The following IQSEC1 variants were observed in gnomAD, a reference collection of about 807,000 sequenced individuals.
The protein encoded by IQSEC1 is IQ motif and SEC7 domain-containing protein 1.
IQSEC1 carries 31 observed loss-of-function variants against 91.0 expected under a neutral mutation model. That is an observed-to-expected ratio of 0.34 (90% CI 0.26 to 0.46). IQSEC1 has a LOEUF of 0.46. IQSEC1 is among the 20% of genes least tolerant of loss of function. IQSEC1 has a pLI of 1.00. For synonymous variants in IQSEC1, 699 were observed against 662.6 expected (o/e 1.05, Z -0.84); for missense variants, 1,388 against 1,575.6 (o/e 0.88, Z 2.02).
intron 1 of IQSEC1, among the ~76,000 whole-genome samples, chr3:13,213,451 T>C (rs1052987634): frequency 6.6e-6 from 1 of 152,206 alleles, no homozygotes; most frequent in African/African-American, 2.4e-5. Context: ...TCGGGAGTTG[T>C]GGGATCCCCT....
At chr3:13,067,802 G>A (rs1271215791) in intron 1 of IQSEC1, among the ~76,000 whole-genome samples, 1 of 152,272 alleles carries the variant, frequency 6.6e-6, no homozygotes, top group Admixed American at 6.5e-5. Flanking sequence ...CCCTGCCAGA[G>A]TTGTGGGATT....
rs1316941323 is a variant in IQSEC1, at chr3:13,014,376, T to C, written c.23+58616A>G. The stretch of plus-strand genomic sequence containing the variant: ...ATATGGAAACCCAGGCCCAGAGATG[T>C]TGGGACATCTGTCCCATGTCACATG... On this transcript the variant is annotated intron_variant, in intron 1 of 13. Coordinates refer to ENST00000613206, the MANE Select transcript of IQSEC1 (RefSeq NM_001134382.3). Among the ~76,000 whole-genome samples the C allele has an allele frequency of 3.3e-5, 5 of 152,184 alleles. No homozygotes were observed. In the South Asian group the frequency reaches 8.3e-4, roughly 25 times the overall value.
rs1425512339 is a variant in IQSEC1 at position 12,913,553 on chromosome 3, C to T, written c.2191G>A (p.Val731Met). The change falls in exon 9 of 14, where the codon GTG (valine) becomes ATG (methionine). Residue 731 changes from valine (V) to methionine (M), a missense_variant and splice_region_variant. Physicochemically the swap from Val to Met is conservative, Grantham distance 21. Coordinates refer to ENST00000613206, the MANE Select transcript of IQSEC1 (RefSeq NM_001134382.3). The stretch of plus-strand genomic sequence containing the variant: ...AACCGACGGTGGGGCAGAGAGAGCA[C>T]CTGTGTGGGAAGAGGCTGTCCTGCC... ...IGSLHPGLGC[V>M]LSLPHRRLVC... The T allele has an allele frequency of 3.7e-6, 6 of 1,602,254 alleles. No individual in the cohort carries two copies. Among genetic ancestry groups the T allele is most frequent in the Non-Finnish European group, 5.1e-6 (6 of 1,172,482 alleles).
chr3:13,037,985 A>G (rs1315930507), intron 1 of IQSEC1, among the ~76,000 whole-genome samples: 2 of 151,994 alleles, frequency 1.3e-5, no homozygotes, highest in Admixed American at 1.3e-4. Flanking sequence ...TACAATGGTT[A>G]AGATGGTGGA....
At chr3:13,157,490 C>G (rs549550608) in intron 2 of IQSEC1, among the ~76,000 whole-genome samples, 7 of 152,122 alleles carry the variant, frequency 4.6e-5, no homozygotes, top group African/African-American at 1.4e-4. Context: ...AATTCATAGG[C>G]CACACAGCAG....
chr3:13,212,489 G>C (rs112080159), intron 1 of IQSEC1, among the ~76,000 whole-genome samples: 9,339 of 152,212 alleles, frequency 0.061, 431 homozygotes, highest in Non-Finnish European at 0.093. Flanking sequence ...AAACATTTAA[G>C]GATGAATTCT....
chr3:13,161,449 G>A (rs1707175316), intron 2 of IQSEC1, among the ~76,000 whole-genome samples: 1 of 152,200 alleles, frequency 6.6e-6, no homozygotes, highest in Admixed American at 6.5e-5. Context: ...TGGAAGCCCA[G>A]ATCTGGTGAC....
At chr3:13,204,910 C>T (rs1407667650) in intron 1 of IQSEC1, among the ~76,000 whole-genome samples, 1 of 151,638 alleles carries the variant, frequency 6.6e-6, no homozygotes. Flanking sequence ...AAGCGATTCT[C>T]CTGCCTCAGC....
chr3:12,917,785 C>T (rs1696245553), intron 6 of IQSEC1, among the ~76,000 whole-genome samples: 1 of 152,214 alleles, frequency 6.6e-6, no homozygotes, highest in Admixed American at 6.5e-5. Flanking sequence ...GATCATATTA[C>T]TTTCTGGCTT....
chr3:13,017,899 A>G (rs1296036058), intron 1 of IQSEC1, among the ~76,000 whole-genome samples: 2 of 152,112 alleles, frequency 1.3e-5, no homozygotes, highest in Admixed American at 1.3e-4. Context: ...GCCCATCCCA[A>G]ACTCAGCTCT....
At position 13,270,335 on chromosome 3, in the gene IQSEC1, C is replaced by T. The variant is rs61385053; in HGVS notation, c.272+12376G>A. On this transcript the variant is annotated intron_variant, in intron 1 of 15. Coordinates refer to the IQSEC1 transcript ENST00000648114. The stretch of plus-strand genomic sequence containing the variant: ...TGATGGATTAATTGACTTGCTGATT[C>T]ATTCATTCAATACATATTCATTAAA... 3.7e-3 allele frequency among the ~76,000 whole-genome samples: 562 copies of T among 152,350 alleles called. 13 individuals are homozygous for T. The East Asian group carries it at 0.069, about 19-fold the overall frequency.
chr3:13,238,157 T>C (rs1412336831), intron 1 of IQSEC1, among the ~76,000 whole-genome samples: 1 of 152,170 alleles, frequency 6.6e-6, no homozygotes, highest in Non-Finnish European at 1.5e-5. Flanking sequence ...CACGTGCCCA[T>C]CTGGAAAATG....
At chr3:13,264,663 G>A (rs541802320) in intron 1 of IQSEC1, among the ~76,000 whole-genome samples, 6 of 152,164 alleles carry the variant, frequency 3.9e-5, no homozygotes, top group East Asian at 3.9e-4. Context: ...GCAGGCTCGC[G>A]AAGCAAGTGA....
chr3:13,082,670 CT>C (rs970670237), intron 2 of IQSEC1, among the ~76,000 whole-genome samples: 12 of 152,254 alleles, frequency 7.9e-5, no homozygotes, highest in African/African-American at 2.9e-4. Flanking sequence ...TAAACCACCC[CT>C]AGCCCCGCAC....
intron 1 of IQSEC1, among the ~76,000 whole-genome samples, chr3:12,955,900 T>C (rs1341020906): frequency 6.6e-6 from 1 of 151,574 alleles, no homozygotes; most frequent in Non-Finnish European, 1.5e-5. Context: ...GTTCACGAGG[T>C]CTCCAATAGA....
At chr3:13,082,904 G>A (rs1408656300) in intron 2 of IQSEC1, among the ~76,000 whole-genome samples, 1 of 152,156 alleles carries the variant, frequency 6.6e-6, no homozygotes, top group South Asian at 2.1e-4. Flanking sequence ...GCCTTTGCAC[G>A]ACTGCCACCC....
rs781305360 is a variant in IQSEC1, at chr3:12,936,627, G to A, written c.389C>T (p.Ala130Val). 1.2e-6 allele frequency: 2 copies of A among 1,611,696 alleles called. No individual in the cohort carries two copies. Among genetic ancestry groups the A allele is most frequent in the South Asian group, 1.1e-5 (1 of 90,730 alleles). ...TRHAARTIQT[A>V]FRQYQMNKNF... ...CTTGTTCATCTGGTACTGGCGAAAC[G>A]CCGTCTGGATGGTGCGGGCCGCATG... is the stretch of plus-strand genomic sequence containing the variant. The change falls in exon 3 of 14, where the codon GCG becomes GTG. Residue 130 changes from alanine (A) to valine (V), a missense_variant. Ala to Val is a moderately conservative substitution (Grantham distance 64). This residue lies in a region of IQSEC1 where 1,059 missense variants were observed against 1,317.8 expected (regional missense o/e 0.80). Coordinates refer to ENST00000613206, the MANE Select transcript of IQSEC1 (RefSeq NM_001134382.3).
intron 1 of IQSEC1, among the ~76,000 whole-genome samples, chr3:13,213,651 A>G (rs1023279067): frequency 2.6e-5 from 4 of 152,138 alleles, no homozygotes; most frequent in African/African-American, 9.7e-5. Flanking sequence ...ACCTGCTGAA[A>G]TCCAAACAAT....
intron 2 of IQSEC1, among the ~76,000 whole-genome samples, chr3:13,101,257 G>A (rs1472829090): frequency 2.0e-5 from 3 of 152,084 alleles, no homozygotes; most frequent in African/African-American, 7.3e-5. Context: ...CGAGGTGGGT[G>A]GATCATGAGG....
Sources: gnomAD v4.1 joint callset for allele counts (sites outside exome capture counted in the v4.1 genomes callset) on GRCh38, gnomAD v4.1.1 for gene constraint, gnomAD v4.1.1 regional missense constraint, MANE v1.5 for transcripts, NCBI Gene and HGNC (gene_info 2026-07-23, HGNC 2026-07-21) for gene names.